Variants in PLXDC1 observed in about 807,000 individuals in gnomAD.
PLXDC1 encodes the protein plexin domain containing 1, also known as plexin domain-containing protein 1.
PLXDC1 carries 39 observed loss-of-function variants against 61.3 expected under a neutral mutation model. The observed-to-expected ratio is 0.64, with a 90% CI of 0.49 to 0.83. PLXDC1 has a LOEUF of 0.83. PLXDC1 is among the 40% of genes least tolerant of loss of function. The pLI is 0.00. For missense variants in PLXDC1, 596 were observed against 666.5 expected, an observed-to-expected ratio of 0.89 and a Z score of 1.17; for synonymous variants, 212 against 254.5, an observed-to-expected ratio of 0.83 and a Z score of 1.59.
rs148380194 is a variant in PLXDC1 at position 39,125,431 on chromosome 17, T to G, written c.255+14223A>C. On this transcript the variant is annotated intron_variant, in intron 2 of 13. Transcript: ENST00000315392. ...ACTGGCATTGGGGGTATTAAGCATTTCTTAATACCCCTAACAGTTCATGGA... is the reference window on the plus strand; with the variant it reads ...ACTGGCATTGGGGGTATTAAGCATTGCTTAATACCCCTAACAGTTCATGGA... Among the ~76,000 whole-genome samples, 33 of 152,196 alleles carry G rather than the reference T, an allele frequency of 2.2e-4. No individual in the cohort carries two copies. The East Asian group carries it at 6.2e-3, about 29-fold the overall frequency.
chr17:39,111,833 G>A (rs1260169563), intron 2 of PLXDC1: 3 of 152,286 alleles, frequency 2.0e-5, no homozygotes, highest in Non-Finnish European at 4.4e-5. Flanking sequence ...TCCCATTGCT[G>A]CCACAGCCAC....
chr17:39,127,726 C>T (rs1013988910), intron 2 of PLXDC1, among the ~76,000 whole-genome samples: 15 of 151,736 alleles, frequency 9.9e-5, no homozygotes, highest in Admixed American at 4.6e-4. Context: ...GATGCCGAGG[C>T]GGGCGGATCA....
intron 2 of PLXDC1, among the ~76,000 whole-genome samples, chr17:39,113,462 C>G (rs1910874018): frequency 6.6e-6 from 1 of 152,164 alleles, no homozygotes; most frequent in Non-Finnish European, 1.5e-5. Flanking sequence ...CATCCCCTTG[C>G]TTAGGCCATT....
At chr17:39,068,041 C>A in intron 13 of PLXDC1, 82 bp from the exon 14 acceptor site, 1 of 1,391,548 alleles carries the variant, frequency 7.2e-7, no homozygotes, top group Non-Finnish European at 1.0e-6. Context: ...CAGAGCCAAC[C>A]AAGACTGTCT....
At chr17:39,087,837 G>A in intron 7 of PLXDC1, 135 bp from the exon 8 acceptor site, 2 of 660,884 alleles carry the variant, frequency 3.0e-6, no homozygotes, top group South Asian at 1.7e-5. Context: ...GGACAATGAT[G>A]TTGGCGCTGC....
chr17:39,135,295 G>A (rs1911708563), intron 2 of PLXDC1, among the ~76,000 whole-genome samples: 1 of 152,220 alleles, frequency 6.6e-6, no homozygotes, highest in Admixed American at 6.5e-5. Flanking sequence ...CTGCAGAGGG[G>A]ATCACAAAGC....
intron 10 of PLXDC1, 86 bp downstream of exon 10, chr17:39,079,016 AAG>A (rs1909449772): frequency 9.6e-7 from 1 of 1,042,672 alleles, no homozygotes; most frequent in Admixed American, 1.7e-5. Context: ...CCACCTTGAG[AAG>A]AGTTTCCAGG....
At chr17:39,108,354 G>T in intron 4 of PLXDC1, 109 bp from the exon 5 acceptor site, 1 of 1,181,978 alleles carries the variant, frequency 8.5e-7, no homozygotes, top group South Asian at 1.3e-5. Context: ...CTGGAAGTGA[G>T]CCTGAGACCT....
chr17:39,120,425 A>G (rs1293552578), intron 2 of PLXDC1, among the ~76,000 whole-genome samples: 3 of 151,850 alleles, frequency 2.0e-5, no homozygotes, highest in Non-Finnish European at 4.4e-5. Flanking sequence ...GACCCAGCAT[A>G]TTGAGTCTTG....
chr17:39,089,210 C>T (rs1010638403), intron 7 of PLXDC1, among the ~76,000 whole-genome samples: 8 of 152,138 alleles, frequency 5.3e-5, no homozygotes, highest in Non-Finnish European at 8.8e-5. Context: ...TACAGGTGGG[C>T]TGAACCACAG....
upstream of PLXDC1, chr17:39,152,624 C>A: frequency 8.0e-7 from 1 of 1,248,920 alleles, no homozygotes; most frequent in South Asian, 3.3e-5. Flanking sequence ...TTCTAGTGGG[C>A]TGGGGCCTAG....
intron 7 of PLXDC1, among the ~76,000 whole-genome samples, chr17:39,102,179 C>A (rs1910443091): frequency 6.6e-6 from 1 of 152,082 alleles, no homozygotes; most frequent in South Asian, 2.1e-4. Context: ...TTACTGGGCA[C>A]CCCGCCCAAG....
Position 39,070,559 on chromosome 17 carries a change from A to G in PLXDC1, c.1223-543T>C, listed in dbSNP as rs1379277655. ...CATGTCTCCCATTTTGGATGACTTCAATAAGTATTAGCTATTATGATGGCA... is the reference window on the plus strand; with the variant it reads ...CATGTCTCCCATTTTGGATGACTTCGATAAGTATTAGCTATTATGATGGCA... On this transcript the variant is annotated intron_variant, in intron 12 of 13. Transcript: ENST00000315392. 4 of 152,736 alleles carry G rather than the reference A, an allele frequency of 2.6e-5. No homozygotes were observed. The East Asian group carries it at 7.7e-4, about 29-fold the overall frequency. The allele number at this position is 152,736 out of a possible 1,614,324, so 9.5% of individuals were successfully genotyped here.
chr17:39,137,482 G>A (rs1393348441), intron 2 of PLXDC1: 2 of 152,116 alleles, frequency 1.3e-5, no homozygotes, highest in Admixed American at 1.3e-4. Context: ...CTTGAACCCA[G>A]GAGGAGGAGG....
intron 2 of PLXDC1, among the ~76,000 whole-genome samples, chr17:39,130,991 G>A (rs780590957): frequency 6.6e-6 from 1 of 152,154 alleles, no homozygotes; most frequent in Non-Finnish European, 1.5e-5. Flanking sequence ...ACCGGACCGG[G>A]AGAAAACCAC....
chr17:39,088,801 T>G (rs1909835130), intron 7 of PLXDC1, among the ~76,000 whole-genome samples: 1 of 151,508 alleles, frequency 6.6e-6, no homozygotes, highest in Non-Finnish European at 1.5e-5. Flanking sequence ...ATACAAAAAT[T>G]AGCTGGGTGT....
rs1018979710 is a variant in PLXDC1 at position 39,065,813 on chromosome 17, G to A, written c.*2027C>T. On this transcript the variant is annotated 3_prime_UTR_variant, in exon 14 of 14. Coordinates refer to ENST00000315392, the MANE Select transcript of PLXDC1 (RefSeq NM_020405.5). ...GGCTGACAGTCCAGCAAGGCAAGGA[G>A]GTAGGTACTTCACACACTGTGCACA... is the stretch of plus-strand genomic sequence containing the variant. The A allele has an allele frequency of 1.3e-5, 2 of 152,422 alleles. No individual in the cohort carries two copies. The highest frequency in any genetic ancestry group is 2.9e-5 in the Non-Finnish European group (2 of 68,216). 9.4% of individuals were successfully genotyped at this position (152,422 alleles called of 1,614,324 possible).
upstream of PLXDC1, among the ~76,000 whole-genome samples, chr17:39,151,856 CAGCCGCCCCGCGCTCCTCACTG>C (rs2045375950): frequency 6.6e-6 from 1 of 152,170 alleles, no homozygotes; most frequent in Admixed American, 6.5e-5. The surrounding 1 kb of genome is among the most constrained non-coding windows in gnomAD (Gnocchi z 5.2). Flanking sequence ...CTAGAAGCAT[CAGCCGCCCCGCGCTCCTCACTG>C]AGCTCCTGGC....
chr17:39,076,094 AAAAAAAAAAAGAAAG>A (rs1263341179), intron 11 of PLXDC1, among the ~76,000 whole-genome samples: 2 of 138,336 alleles, frequency 1.4e-5, no homozygotes, highest in African/African-American at 5.4e-5. Flanking sequence ...AAAAAAAGAA[AAAAAAAAAAAGAAAG>A]AAAAAAGAAA....
Sources: allele counts gnomAD v4.1 joint callset (sites outside exome capture counted in the v4.1 genomes callset), GRCh38; gene constraint gnomAD v4.1.1; non-coding constraint Gnocchi (gnomAD v3.1); transcripts MANE v1.5; gene names NCBI Gene and HGNC (gene_info 2026-07-23, HGNC 2026-07-21).